TEC: variants seen among roughly 807,000 people sequenced by gnomAD.
TEC encodes the protein tec protein tyrosine kinase.
In TEC, 72 loss-of-function variants were observed where a neutral mutation model predicts 93.0. The observed-to-expected ratio is 0.77, with a 90% CI of 0.64 to 0.94. The LOEUF (loss-of-function observed/expected upper bound fraction) is 0.94, where lower values mean the gene tolerates loss of function less well. TEC is among the 40% of genes least tolerant of loss of function. The pLI, the probability that TEC is intolerant of heterozygous loss-of-function variation, is 0.00. For missense variants in TEC, 630 were observed against 757.9 expected, an observed-to-expected ratio of 0.83 and a Z score of 1.98; for synonymous variants, 249 against 247.7, an observed-to-expected ratio of 1.01 and a Z score of -0.05.
At chr4:48,267,249 T>C (rs1314431825) in intron 1 of TEC, among the ~76,000 whole-genome samples, 1 of 151,752 alleles carries the variant, frequency 6.6e-6, no homozygotes, top group Admixed American at 6.5e-5. Context: ...TCCTTGTTTC[T>C]CTAAACAAAA....
intron 1 of TEC, among the ~76,000 whole-genome samples, chr4:48,243,120 T>C (rs1723964189): frequency 6.6e-6 from 1 of 152,204 alleles, no homozygotes; most frequent in Non-Finnish European, 1.5e-5. Flanking sequence ...TTTTAATCTA[T>C]TTCCTGAGAC....
chr4:48,250,787 A>G (rs1159707927), intron 1 of TEC, among the ~76,000 whole-genome samples: 2 of 152,178 alleles, frequency 1.3e-5, no homozygotes, highest in African/African-American at 4.8e-5. Flanking sequence ...CCCACAGTGG[A>G]CCACAGACAC....
intron 2 of TEC, among the ~76,000 whole-genome samples, chr4:48,204,506 C>T (rs920003227): frequency 6.6e-6 from 1 of 152,208 alleles, no homozygotes; most frequent in Non-Finnish European, 1.5e-5. Flanking sequence ...TGCTTTGCAT[C>T]TATCTCTTCA....
rs556276823 is a variant in TEC at position 48,142,427 on chromosome 4, C to T, written c.1471-1008G>A. Among the ~76,000 whole-genome samples, 19 of 152,098 alleles carry T rather than the reference C, an allele frequency of 1.2e-4. No homozygotes were observed. The East Asian group carries it at 3.3e-3, about 27-fold the overall frequency. On this transcript the variant is annotated intron_variant, in intron 14 of 17. Coordinates refer to ENST00000381501, the MANE Select transcript of TEC (RefSeq NM_003215.3). ...GGTGGAGGTTGCAGTGAGCAGAGAT[C>T]GCGCCACTGCACTCCAGCCTGGGTG...
chr4:48,232,632 T>G (rs1195852332), intron 1 of TEC, among the ~76,000 whole-genome samples: 1 of 152,244 alleles, frequency 6.6e-6, no homozygotes, highest in Non-Finnish European at 1.5e-5. Flanking sequence ...TCTCCTCATG[T>G]AGACTTCCAG....
At chr4:48,161,986 T>C (rs1266840746) in intron 8 of TEC, among the ~76,000 whole-genome samples, 1 of 152,168 alleles carries the variant, frequency 6.6e-6, no homozygotes, top group Non-Finnish European at 1.5e-5. Context: ...CGGCCTATTA[T>C]GGGACCTCAG....
chr4:48,185,250 G>A (rs1055659176), intron 2 of TEC, among the ~76,000 whole-genome samples: 3 of 152,116 alleles, frequency 2.0e-5, no homozygotes, highest in African/African-American at 7.2e-5. Context: ...GACCCTAAAA[G>A]GCCTATTCTA....
At chr4:48,143,958 G>T (rs976995232) in intron 14 of TEC, among the ~76,000 whole-genome samples, 23 of 152,176 alleles carry the variant, frequency 1.5e-4, no homozygotes, top group African/African-American at 5.3e-4. Context: ...AGGTGCAGTG[G>T]CTCACACCTG....
At chr4:48,247,391 A>G (rs1399840243) in intron 1 of TEC, among the ~76,000 whole-genome samples, 1 of 152,236 alleles carries the variant, frequency 6.6e-6, no homozygotes, top group Non-Finnish European at 1.5e-5. Flanking sequence ...TCCTAGGTAT[A>G]TACCCAACAG....
intron 2 of TEC, among the ~76,000 whole-genome samples, chr4:48,213,458 T>C (rs1460123819): frequency 1.3e-5 from 2 of 152,208 alleles, no homozygotes; most frequent in Non-Finnish European, 2.9e-5. Context: ...TATTTATTTA[T>C]CTCAGAAGTA....
intron 2 of TEC, among the ~76,000 whole-genome samples, chr4:48,197,540 A>G (rs1722342346): frequency 6.6e-6 from 1 of 152,194 alleles, no homozygotes; most frequent in African/African-American, 2.4e-5. Flanking sequence ...TCTTGAAAGC[A>G]TGAGATTAAC....
intron 2 of TEC, among the ~76,000 whole-genome samples, chr4:48,214,652 G>C (rs532651798): frequency 6.6e-6 from 1 of 152,180 alleles, no homozygotes; most frequent in East Asian, 1.9e-4. Context: ...AGGATTTTGA[G>C]ACCAGCCTAG....
intron 1 of TEC, among the ~76,000 whole-genome samples, chr4:48,234,783 G>A (rs555878988): frequency 3.3e-5 from 5 of 152,234 alleles, no homozygotes; most frequent in African/African-American, 4.8e-5. Context: ...CTTTATGAAA[G>A]AGAGCTATTT....
intron 1 of TEC, among the ~76,000 whole-genome samples, chr4:48,264,660 CAG>C (rs1396198789): frequency 7.1e-6 from 1 of 141,840 alleles, no homozygotes; most frequent in Non-Finnish European, 1.5e-5. Context: ...TTTTTTGAGA[CAG>C]AGTCTCCCTG....
At chr4:48,243,207 C>T (rs1389342330) in intron 1 of TEC, among the ~76,000 whole-genome samples, 1 of 152,092 alleles carries the variant, frequency 6.6e-6, no homozygotes, top group Non-Finnish European at 1.5e-5. Context: ...ACCTGATGTC[C>T]AGTATCTTAT....
At chr4:48,256,664 T>G (rs1577674665) in intron 1 of TEC, among the ~76,000 whole-genome samples, 1 of 151,774 alleles carries the variant, frequency 6.6e-6, no homozygotes, top group Non-Finnish European at 1.5e-5. Flanking sequence ...TTTTAAAAAC[T>G]TTACTTCTAT....
chr4:48,174,785 A>G (rs1340981951), intron 3 of TEC, among the ~76,000 whole-genome samples: 2 of 152,134 alleles, frequency 1.3e-5, no homozygotes, highest in Non-Finnish European at 2.9e-5. Flanking sequence ...TGGTAGGTGT[A>G]ATATTAGGTG....
chr4:48,239,620 C>T lies in TEC; in HGVS notation c.-45-10961G>A, dbSNP rs113447710. ...TCAAATGCCAATGTTTGTTCCTTGGCCACAGTATTCTGTTATTTTTAATAT... is the reference window on the plus strand; with the variant it reads ...TCAAATGCCAATGTTTGTTCCTTGGTCACAGTATTCTGTTATTTTTAATAT... On this transcript the variant is annotated intron_variant, in intron 1 of 17. Coordinates refer to ENST00000381501, the MANE Select transcript of TEC (RefSeq NM_003215.3). Among the ~76,000 whole-genome samples the T allele has an allele frequency of 1.1e-3, 169 of 152,182 alleles. 1 individual carries two copies. The highest frequency in any genetic ancestry group is 4.4e-3 in the Admixed American group (67 of 15,280).
intron 1 of TEC, among the ~76,000 whole-genome samples, chr4:48,256,971 C>T (rs1022747866): frequency 5.9e-5 from 9 of 152,134 alleles, no homozygotes; most frequent in Non-Finnish European, 8.8e-5. Flanking sequence ...GTGCGAATGG[C>T]GAACCACATT....
Sources: allele counts gnomAD v4.1 joint callset (sites outside exome capture counted in the v4.1 genomes callset), GRCh38; gene constraint gnomAD v4.1.1; transcripts MANE v1.5; gene names NCBI Gene and HGNC (gene_info 2026-07-23, HGNC 2026-07-21).